ALK: variants seen among roughly 807,000 people sequenced by gnomAD.
ALK encodes the protein ALK receptor tyrosine kinase, also known as ALK tyrosine kinase receptor.
In ALK, 74 loss-of-function variants were observed where a neutral mutation model predicts 163.1. The observed-to-expected ratio is 0.45, with a 90% confidence interval of 0.38 to 0.55. The LOEUF (loss-of-function observed/expected upper bound fraction) is 0.55, where lower values mean the gene tolerates loss of function less well. Among genes scored for constraint, ALK ranks in the 20% least tolerant of loss-of-function variants. ALK has a pLI of 0.00. For synonymous variants in ALK, 960 were observed against 843.2 expected (o/e 1.14, Z -2.40); for missense variants, 2,063 against 2,105.3 (o/e 0.98, Z 0.39).
intron 4 of ALK, among the ~76,000 whole-genome samples, chr2:29,523,126 A>AG (rs1183251224): frequency 5.9e-5 from 9 of 152,096 alleles, no homozygotes; most frequent in Non-Finnish European, 1.3e-4. Flanking sequence ...CCCGGGCAGG[A>AG]GGGGGAGGAA....
chr2:29,867,590 C>T (rs1371576970), intron 1 of ALK, among the ~76,000 whole-genome samples: 5 of 152,064 alleles, frequency 3.3e-5, no homozygotes, highest in Non-Finnish European at 5.9e-5. Flanking sequence ...TTTTAAATTC[C>T]TTTATGAGGA....
In ALK at chr2:29,787,011, G is replaced by A. The variant is rs1160086993; in HGVS notation, c.668-69314C>T. On this transcript the variant is annotated intron_variant, in intron 1 of 28. Coordinates refer to ENST00000389048, the MANE Select transcript of ALK (RefSeq NM_004304.5). The stretch of plus-strand genomic sequence containing the variant: ...AGGGTTTCACCATGTTAGCCAGGAT[G>A]GTCTCGATCTCCTGACCTCGTGATC... 2.0e-5 allele frequency among the ~76,000 whole-genome samples: 3 copies of A among 152,120 alleles called. No individual in the cohort carries two copies. In the East Asian group the frequency reaches 5.8e-4, roughly 29 times the overall value.
At chr2:29,346,493 C>T (rs1021340403) in intron 5 of ALK, among the ~76,000 whole-genome samples, 6 of 152,226 alleles carry the variant, frequency 3.9e-5, no homozygotes, top group Non-Finnish European at 5.9e-5. Context: ...TCTCTCAGGG[C>T]CACCAGCATC....
chr2:29,688,752 C>T (rs1160714014), intron 3 of ALK, among the ~76,000 whole-genome samples: 2 of 152,248 alleles, frequency 1.3e-5, no homozygotes, highest in African/African-American at 4.8e-5. Context: ...TTCTTCTATT[C>T]CAGTTTTCTT....
At chr2:29,642,621 C>T (rs1676737626) in intron 3 of ALK, among the ~76,000 whole-genome samples, 1 of 152,070 alleles carries the variant, frequency 6.6e-6, no homozygotes, top group Non-Finnish European at 1.5e-5. Flanking sequence ...TTTCAGCTTC[C>T]TTTTTCACTG....
intron 4 of ALK, among the ~76,000 whole-genome samples, chr2:29,392,080 A>C (rs559701987): frequency 2.0e-5 from 3 of 152,336 alleles, no homozygotes; most frequent in Non-Finnish European, 4.4e-5. Context: ...GTGGCTGATG[A>C]TCTTATAAGA....
intron 7 of ALK, among the ~76,000 whole-genome samples, chr2:29,318,920 A>G (rs1026967153): frequency 2.0e-5 from 3 of 152,102 alleles, no homozygotes; most frequent in Non-Finnish European, 2.9e-5. Flanking sequence ...CTGGGCTACC[A>G]CATCCCTGAT....
chr2:29,725,671 T>C (rs563120176), intron 1 of ALK, among the ~76,000 whole-genome samples: 1 of 152,126 alleles, frequency 6.6e-6, no homozygotes, highest in African/African-American at 2.4e-5. Context: ...TTAGAAAAAA[T>C]TAGGAAAAGC....
chr2:29,316,528 C>A (rs1159821369), intron 8 of ALK, among the ~76,000 whole-genome samples: 1 of 152,076 alleles, frequency 6.6e-6, no homozygotes, highest in African/African-American at 2.4e-5. Flanking sequence ...ATCATTTGTA[C>A]CTTGACATTT....
intron 24 of ALK, 122 bp from the exon 25 acceptor site, chr2:29,210,000 CT>C: frequency 1.3e-6 from 1 of 782,320 alleles, no homozygotes; most frequent in Non-Finnish European, 2.2e-6. Flanking sequence ...CCTATATTTC[CT>C]TTAGTATAGT....
intron 1 of ALK, among the ~76,000 whole-genome samples, chr2:29,752,976 G>T (rs759026004): frequency 6.6e-6 from 1 of 152,214 alleles, no homozygotes; most frequent in Non-Finnish European, 1.5e-5. Flanking sequence ...CCCAGCCCAG[G>T]GTCACAGGTT....
chr2:29,839,549 G>C (rs1017388276), intron 1 of ALK, among the ~76,000 whole-genome samples: 1 of 152,154 alleles, frequency 6.6e-6, no homozygotes. Flanking sequence ...GAGTCAGGAT[G>C]AATACATTAA....
chr2:29,732,474 T>G (rs1322486654), intron 1 of ALK, among the ~76,000 whole-genome samples: 1 of 152,214 alleles, frequency 6.6e-6, no homozygotes, highest in Non-Finnish European at 1.5e-5. Context: ...TTTTCCTGCC[T>G]GAGGTAAATA....
chr2:29,228,664 T>TA (rs2148180141), intron 16 of ALK, among the ~76,000 whole-genome samples: 1 of 151,560 alleles, frequency 6.6e-6, no homozygotes, highest in East Asian at 2.0e-4. Flanking sequence ...TCACATGGGA[T>TA]CTTGATGCTG....
chr2:29,280,130 A>G (rs773885723), intron 9 of ALK, among the ~76,000 whole-genome samples: 3 of 152,134 alleles, frequency 2.0e-5, no homozygotes, highest in Non-Finnish European at 4.4e-5. Flanking sequence ...AAGTTCTATC[A>G]TGTATGAGGT....
intron 1 of ALK, among the ~76,000 whole-genome samples, chr2:29,822,867 C>A (rs1665086969): frequency 6.6e-6 from 1 of 152,206 alleles, no homozygotes; most frequent in Admixed American, 6.5e-5. Flanking sequence ...TTATATTCTT[C>A]CTAAGGACTC....
chr2:29,352,560 G>A (rs763620587), intron 5 of ALK, among the ~76,000 whole-genome samples: 3 of 152,248 alleles, frequency 2.0e-5, no homozygotes, highest in Non-Finnish European at 2.9e-5. Flanking sequence ...CTTTTAGACA[G>A]GCAACATCCA....
chr2:29,251,349 A>G, intron 11 of ALK, 82 bp from the exon 12 acceptor site: 12 of 1,402,290 alleles, frequency 8.6e-6, no homozygotes, highest in Non-Finnish European at 9.8e-6. Context: ...CCTCTGAGAT[A>G]TCTGCTCCAT....
intron 4 of ALK, among the ~76,000 whole-genome samples, chr2:29,480,334 T>A (rs969763462): frequency 1.3e-5 from 2 of 152,174 alleles, no homozygotes; most frequent in African/African-American, 4.8e-5. Flanking sequence ...TATCTGCTAA[T>A]TCTAAGTGGT....
Sources: allele counts gnomAD v4.1 joint callset (sites outside exome capture counted in the v4.1 genomes callset), GRCh38; gene constraint gnomAD v4.1.1; transcripts MANE v1.5; gene names NCBI Gene and HGNC (gene_info 2026-07-23, HGNC 2026-07-21).